The following CNBD1 variants were observed in gnomAD, a reference collection of about 807,000 sequenced individuals.
CNBD1 encodes the protein cyclic nucleotide-binding domain-containing protein 1.
In CNBD1, 71 loss-of-function variants were observed where a neutral mutation model predicts 54.4. The ratio of observed to expected loss-of-function variants is 1.30; its 90% CI spans 1.08 to 1.59. CNBD1 has a LOEUF of 1.59. CNBD1 is among the 40% of genes most tolerant of loss of function. The pLI, the probability that CNBD1 is intolerant of heterozygous loss-of-function variation, is 0.00. For synonymous variants in CNBD1, 182 were observed against 170.7 expected (o/e 1.07, Z -0.51); for missense variants, 659 against 518.0 (o/e 1.27, Z -2.64).
chr8:86,973,396 T>C (rs951056535), intron 4 of CNBD1, among the ~76,000 whole-genome samples: 2 of 152,238 alleles, frequency 1.3e-5, no homozygotes, highest in Admixed American at 6.5e-5. Context: ...TTTATTTGCA[T>C]GATCAAAAGT....
In CNBD1 at chr8:87,420,075, A is replaced by T. The variant is rs148856773; in HGVS notation, c.214-8471A>T. On this transcript the variant is annotated intron_variant, in intron 2 of 7. Transcript: ENST00000521593. ...TATTACAAAATGTAAGATTCATTTAACAATAACAAAGTGTTAATATACCTT... is the reference window on the plus strand; with the variant it reads ...TATTACAAAATGTAAGATTCATTTATCAATAACAAAGTGTTAATATACCTT... Among the ~76,000 whole-genome samples, 455 of 151,888 alleles carry T rather than the reference A, an allele frequency of 3.0e-3. 5 individuals carry two copies. The highest frequency in any genetic ancestry group is 9.8e-3 in the African/African-American group (408 of 41,504).
intron 5 of CNBD1, among the ~76,000 whole-genome samples, chr8:87,234,237 T>C (rs934751560): frequency 2.0e-5 from 3 of 152,162 alleles, no homozygotes; most frequent in African/African-American, 7.2e-5. Flanking sequence ...AAACTCCTGT[T>C]AGTGTTGATA....
chr8:87,397,613 G>A (rs777170828), intron 2 of CNBD1, among the ~76,000 whole-genome samples: 2 of 152,056 alleles, frequency 1.3e-5, no homozygotes, highest in East Asian at 3.9e-4. Flanking sequence ...CAGAATTCAT[G>A]TAGATTATCT....
chr8:87,122,572 T>G (rs971112189), intron 4 of CNBD1, among the ~76,000 whole-genome samples: 1 of 151,886 alleles, frequency 6.6e-6, no homozygotes, highest in Non-Finnish European at 1.5e-5. Flanking sequence ...GTGCTTTCAT[T>G]GCCTGTGTTT....
chr8:87,428,478 G>A (rs1808087482), intron 2 of CNBD1: 2 of 224,352 alleles, frequency 8.9e-6, no homozygotes, highest in East Asian at 1.0e-4. Context: ...AATAGGATTA[G>A]CAATTGCTCT....
intron 4 of CNBD1, among the ~76,000 whole-genome samples, chr8:87,062,267 G>C (rs1053574362): frequency 6.6e-6 from 1 of 151,922 alleles, no homozygotes; most frequent in Non-Finnish European, 1.5e-5. Context: ...TGTCATTTTA[G>C]GCTTGAAAAA....
chr8:87,261,788 A>G (rs1039265990), intron 6 of CNBD1, among the ~76,000 whole-genome samples: 2 of 152,112 alleles, frequency 1.3e-5, no homozygotes, highest in African/African-American at 4.8e-5. Flanking sequence ...CAAATATAGT[A>G]GTACAGAGTC....
intron 4 of CNBD1, among the ~76,000 whole-genome samples, chr8:87,178,236 T>C (rs1022098506): frequency 7.2e-5 from 11 of 152,102 alleles, no homozygotes; most frequent in Non-Finnish European, 1.2e-4. Flanking sequence ...TATTGGAACA[T>C]GATTAGTGTT....
chr8:87,353,599 A>G, intron 9 of CNBD1, 37 bp from the exon 10 acceptor site: 1 of 1,324,214 alleles, frequency 7.6e-7, no homozygotes. Context: ...ATATGGAAGC[A>G]GTTGCATTAA....
At position 87,346,438 on chromosome 8, in the gene CNBD1, AATTT is replaced by A. The variant is rs575867029; in HGVS notation, c.1043-5246_1043-5243del. 2.1e-3 allele frequency among the ~76,000 whole-genome samples: 320 copies of A among 151,806 alleles called. 2 individuals carry two copies. The highest frequency in any genetic ancestry group is 7.3e-3 in the African/African-American group (303 of 41,462). The stretch of plus-strand genomic sequence containing the variant: ...CTTTTATTAATTATATTTTTTCTAA[AATTT>A]CTATTTGGTTATTTTTTGTAATCCA... On this transcript the variant is annotated intron_variant, in intron 8 of 10. Coordinates refer to ENST00000518476, the MANE Select transcript of CNBD1 (RefSeq NM_173538.3).
intron 4 of CNBD1, among the ~76,000 whole-genome samples, chr8:87,063,205 G>A (rs1437694432): frequency 6.6e-6 from 1 of 152,146 alleles, no homozygotes; most frequent in Non-Finnish European, 1.5e-5. Context: ...CTTAGCTACA[G>A]AAAATACATA....
chr8:87,312,184 A>G (rs1809280735), intron 8 of CNBD1, among the ~76,000 whole-genome samples: 1 of 152,092 alleles, frequency 6.6e-6, no homozygotes, highest in African/African-American at 2.4e-5. Context: ...AATAAAACAT[A>G]TATTCCCCTC....
At chr8:87,026,974 G>A (rs1809661263) in intron 4 of CNBD1, among the ~76,000 whole-genome samples, 2 of 152,094 alleles carry the variant, frequency 1.3e-5, no homozygotes, top group East Asian at 3.8e-4. Context: ...CAGTTCTGAA[G>A]AAGTTTCTAT....
Position 87,159,104 on chromosome 8 carries a change from C to T in CNBD1, c.432-46889C>T, listed in dbSNP as rs540853681. 5.9e-5 allele frequency among the ~76,000 whole-genome samples: 9 copies of T among 152,170 alleles called. No individual in the cohort carries two copies. The East Asian group carries it at 1.7e-3, about 29-fold the overall frequency. ...TTTTCTTAGTAAAATCTGAGTATAT[C>T]ATTTTACTTGTTGAATTTTGATGGA... is the stretch of plus-strand genomic sequence containing the variant. On this transcript the variant is annotated intron_variant, in intron 4 of 10. Coordinates refer to ENST00000518476, the MANE Select transcript of CNBD1 (RefSeq NM_173538.3).
chr8:87,386,444 G>A (rs1379114389), downstream of CNBD1, among the ~76,000 whole-genome samples: 3 of 152,100 alleles, frequency 2.0e-5, no homozygotes, highest in African/African-American at 7.2e-5. Context: ...TGAAAACCGT[G>A]GCACGAGAAC....
At position 87,035,599 on chromosome 8, in the gene CNBD1, A is replaced by G. The variant is rs370215560; in HGVS notation, c.431+95845A>G. Among the ~76,000 whole-genome samples, 2 of 152,202 alleles carry G rather than the reference A, an allele frequency of 1.3e-5. 1 individual carries two copies. Among genetic ancestry groups the G allele is most frequent in the Admixed American group, 1.3e-4 (2 of 15,278 alleles). On this transcript the variant is annotated intron_variant, in intron 4 of 10. Transcript: ENST00000518476. ...GGGCAATTTCTCAGATGCCAACTCT[A>G]TTAATGCTGTCTTCTTTTTATTCTG...
intron 2 of CNBD1, among the ~76,000 whole-genome samples, chr8:87,423,767 G>GT (rs1426513917): frequency 6.6e-6 from 1 of 151,900 alleles, no homozygotes; most frequent in African/African-American, 2.4e-5. Flanking sequence ...CCCGGCTTTT[G>GT]TATCAGAATG....
intron 8 of CNBD1, among the ~76,000 whole-genome samples, chr8:87,345,933 T>C (rs989332891): frequency 6.7e-6 from 1 of 148,394 alleles, no homozygotes; most frequent in African/African-American, 2.4e-5. Context: ...TAAAATAAAC[T>C]GATATTCAAA....
chr8:87,276,815 G>A (rs191301104), intron 6 of CNBD1, among the ~76,000 whole-genome samples: 39 of 149,668 alleles, frequency 2.6e-4, no homozygotes, highest in African/African-American at 9.4e-4. Context: ...CAGCTTGCAA[G>A]CATCATAAGG....
Sources: allele counts gnomAD v4.1 joint callset (sites outside exome capture counted in the v4.1 genomes callset), GRCh38; gene constraint gnomAD v4.1.1; transcripts MANE v1.5; gene names NCBI Gene and HGNC (gene_info 2026-07-23, HGNC 2026-07-21).